The following NRXN3 variants were observed in gnomAD, a reference collection of about 807,000 sequenced individuals.
NRXN3 encodes neurexin III.
A neutral mutation model predicts 137.6 loss-of-function variants in NRXN3; 32 were observed. That is an observed-to-expected ratio of 0.23 (90% CI 0.18 to 0.31). NRXN3 has a LOEUF of 0.31. NRXN3 is among the 10% of genes least tolerant of loss of function. The probability of loss-of-function intolerance (pLI) is 1.00; values close to 1 mark genes in which losing one functional copy is unlikely to be tolerated. For synonymous variants in NRXN3, 798 were observed against 784.5 expected (o/e 1.02, Z -0.29); for missense variants, 1,574 against 2,062.5 (o/e 0.76, Z 4.59).
rs368527293 is a variant in NRXN3, at chr14:78,641,427, G to A, written c.758-3693G>A. On this transcript the variant is annotated intron_variant, in intron 4 of 20. Coordinates refer to ENST00000335750, the MANE Select transcript of NRXN3 (RefSeq NM_001330195.2). ...GCAGAGCTTGCAGTGAGTCGAGGTCGTGCCACTGCACTCCAGCCTGGGGGA... is the reference window on the plus strand; with the variant it reads ...GCAGAGCTTGCAGTGAGTCGAGGTCATGCCACTGCACTCCAGCCTGGGGGA... 3.9e-5 allele frequency among the ~76,000 whole-genome samples: 6 copies of A among 152,078 alleles called. No individual in the cohort carries two copies. The East Asian group carries it at 5.8e-4, about 15-fold the overall frequency.
chr14:78,200,310 C>T (rs775382599), intron 1 of NRXN3, among the ~76,000 whole-genome samples: 53 of 152,090 alleles, frequency 3.5e-4, no homozygotes, highest in Admixed American at 2.4e-3. Flanking sequence ...GTTGCCGATG[C>T]GGAAGGAGAC....
chr14:78,375,180 T>C (rs1352089979), intron 4 of NRXN3, among the ~76,000 whole-genome samples: 1 of 152,214 alleles, frequency 6.6e-6, no homozygotes, highest in Non-Finnish European at 1.5e-5. Flanking sequence ...TTAACCACCT[T>C]CAGTGATTGG....
intron 15 of NRXN3, among the ~76,000 whole-genome samples, chr14:79,362,649 A>G (rs1205413177): frequency 2.0e-5 from 3 of 152,170 alleles, no homozygotes; most frequent in African/African-American, 4.8e-5. Context: ...TCTTTACACA[A>G]TTGTAAAACA....
chr14:79,222,004 T>C (rs1219982610), intron 15 of NRXN3, among the ~76,000 whole-genome samples: 1 of 151,706 alleles, frequency 6.6e-6, no homozygotes, highest in Admixed American at 6.5e-5. Flanking sequence ...ATTTGTTAAA[T>C]AGGGAAATCC....
At chr14:78,374,124 A>C (rs994376782) in intron 4 of NRXN3, among the ~76,000 whole-genome samples, 2 of 152,208 alleles carry the variant, frequency 1.3e-5, no homozygotes, top group African/African-American at 4.8e-5. Flanking sequence ...GACAGTGGGC[A>C]TTAGAACAGC....
chr14:78,543,614 G>C (rs913243013), intron 4 of NRXN3, among the ~76,000 whole-genome samples: 12 of 152,068 alleles, frequency 7.9e-5, no homozygotes, highest in African/African-American at 2.7e-4. Context: ...ATTTAGTGAG[G>C]TTAAGATAAA....
chr14:79,346,085 G>T (rs1184465183), intron 15 of NRXN3, among the ~76,000 whole-genome samples: 1 of 151,980 alleles, frequency 6.6e-6, no homozygotes, highest in Non-Finnish European at 1.5e-5. Context: ...TCCTTGTACT[G>T]GTTTATCCTA....
At chr14:79,055,037 A>G (rs919238463) in intron 15 of NRXN3, among the ~76,000 whole-genome samples, 4 of 152,154 alleles carry the variant, frequency 2.6e-5, no homozygotes, top group Non-Finnish European at 4.4e-5. Flanking sequence ...TTCCATTAGT[A>G]TGTGGGATTC....
intron 6 of NRXN3, among the ~76,000 whole-genome samples, chr14:78,685,302 A>T (rs2098115581): frequency 6.6e-6 from 1 of 152,160 alleles, no homozygotes; most frequent in Admixed American, 6.5e-5. Flanking sequence ...TATTCCTCTT[A>T]AAAATGTAAG....
chr14:78,886,495 A>G (rs1229079959), intron 10 of NRXN3, among the ~76,000 whole-genome samples: 3 of 151,564 alleles, frequency 2.0e-5, no homozygotes, highest in Non-Finnish European at 4.4e-5. Context: ...TGCTTCTTTT[A>G]TATCTCTTTC....
At chr14:79,293,797 C>G (rs1391735668) in intron 15 of NRXN3, among the ~76,000 whole-genome samples, 1 of 152,232 alleles carries the variant, frequency 6.6e-6, no homozygotes, top group African/African-American at 2.4e-5. Context: ...TCTCTCTGCC[C>G]CAGCAGCCTA....
At chr14:79,392,253 T>G (rs768979114) in intron 15 of NRXN3, among the ~76,000 whole-genome samples, 18 of 152,248 alleles carry the variant, frequency 1.2e-4, no homozygotes, top group Non-Finnish European at 2.4e-4. Context: ...TATTTGGTTT[T>G]CTGTTCTTGT....
chr14:78,346,031 A>G (rs214020), intron 4 of NRXN3, among the ~76,000 whole-genome samples: 120,581 of 152,090 alleles, frequency 0.79, 49,512 homozygotes, highest in Non-Finnish European at 0.9. Context: ...TTGGGAGGCT[A>G]AGAGGGGATG....
intron 15 of NRXN3, among the ~76,000 whole-genome samples, chr14:79,274,904 T>C (rs1267087913): frequency 6.6e-6 from 1 of 152,218 alleles, no homozygotes; most frequent in East Asian, 1.9e-4. Flanking sequence ...AGAAGCAGTA[T>C]ATACATTCTC....
chr14:78,626,064 A>G (rs926218469), intron 4 of NRXN3, among the ~76,000 whole-genome samples: 5 of 152,190 alleles, frequency 3.3e-5, no homozygotes, highest in Non-Finnish European at 7.3e-5. Context: ...GGTCATTGCC[A>G]TTATTATTAA....
intron 15 of NRXN3, among the ~76,000 whole-genome samples, chr14:79,264,338 C>T (rs1293098430): frequency 1.3e-5 from 2 of 152,216 alleles, no homozygotes; most frequent in African/African-American, 4.8e-5. Context: ...ATCTGCCTGC[C>T]TTGGCCTCCC....
chr14:79,280,284 C>T, intron 15 of NRXN3: 1 of 1,613,820 alleles, frequency 6.2e-7, no homozygotes, highest in South Asian at 1.1e-5. Context: ...TGGTCCCGTG[C>T]GTTGACCATG....
At chr14:79,161,408 AAG>A (rs1375115920) in intron 15 of NRXN3, among the ~76,000 whole-genome samples, 1 of 151,960 alleles carries the variant, frequency 6.6e-6, no homozygotes, top group African/African-American at 2.4e-5. Context: ...TTCTGAAGAT[AAG>A]ATACATTTGA....
intron 4 of NRXN3, among the ~76,000 whole-genome samples, chr14:78,521,579 T>C (rs1038065849): frequency 1.3e-5 from 2 of 152,166 alleles, no homozygotes; most frequent in Non-Finnish European, 2.9e-5. Context: ...TTATAGACTC[T>C]TGTATTAATT....
Sources: allele counts gnomAD v4.1 joint callset (sites outside exome capture counted in the v4.1 genomes callset), GRCh38; gene constraint gnomAD v4.1.1; transcripts MANE v1.5; gene names NCBI Gene and HGNC (gene_info 2026-07-23, HGNC 2026-07-21).